Variants in CNTNAP2 observed in about 807,000 individuals in gnomAD.
CNTNAP2 encodes contactin-associated protein-like 2.
A neutral mutation model predicts 155.2 loss-of-function variants in CNTNAP2; 98 were observed. The ratio of observed to expected loss-of-function variants is 0.63; its 90% CI spans 0.54 to 0.75. The LOEUF (loss-of-function observed/expected upper bound fraction) is 0.75. Ranked by LOEUF, CNTNAP2 falls within the 30% of genes least tolerant of loss-of-function variation. CNTNAP2 has a pLI of 0.00. For synonymous variants in CNTNAP2, 651 were observed against 631.2 expected (o/e 1.03, Z -0.47); for missense variants, 1,727 against 1,688.1 (o/e 1.02, Z -0.40).
chr7:146,906,433 C>G (rs1313181794), intron 3 of CNTNAP2, among the ~76,000 whole-genome samples: 1 of 152,104 alleles, frequency 6.6e-6, no homozygotes, highest in African/African-American at 2.4e-5. Context: ...CAGTGGTTCT[C>G]CCAGCACGCA....
intron 7 of CNTNAP2, among the ~76,000 whole-genome samples, chr7:147,129,698 T>C (rs139658373): frequency 1.1e-4 from 16 of 152,292 alleles, no homozygotes; most frequent in Non-Finnish European, 2.1e-4. Flanking sequence ...AAAAGAGCTC[T>C]GATGGTCTCG....
intron 10 of CNTNAP2, among the ~76,000 whole-genome samples, chr7:147,453,382 T>C (rs952167695): frequency 1.2e-4 from 19 of 152,262 alleles, no homozygotes; most frequent in African/African-American, 4.3e-4. Context: ...ACTTTTCTCA[T>C]TATTGTGTAC....
intron 8 of CNTNAP2, among the ~76,000 whole-genome samples, chr7:147,212,789 C>A (rs768869020): frequency 5.9e-5 from 9 of 152,018 alleles, no homozygotes; most frequent in Admixed American, 1.3e-4. Flanking sequence ...AAAATGAGTA[C>A]AACAAATTTA....
At chr7:147,813,616 C>A (rs1231330178) in intron 13 of CNTNAP2, among the ~76,000 whole-genome samples, 2 of 152,150 alleles carry the variant, frequency 1.3e-5, no homozygotes, top group African/African-American at 4.8e-5. Flanking sequence ...AAAAGTCTCT[C>A]TAGAAATATA....
At chr7:146,473,150 A>G (rs1303808185) in intron 1 of CNTNAP2, among the ~76,000 whole-genome samples, 1 of 152,032 alleles carries the variant, frequency 6.6e-6, no homozygotes, top group Non-Finnish European at 1.5e-5. Context: ...GAACGTCTAC[A>G]GGCTCTGTGG....
intron 1 of CNTNAP2, among the ~76,000 whole-genome samples, chr7:146,350,013 C>A (rs990866471): frequency 6.6e-6 from 1 of 152,096 alleles, no homozygotes; most frequent in Non-Finnish European, 1.5e-5. Context: ...TGAATGTTGG[C>A]CTGCCTTGCT....
At chr7:147,480,433 G>T (rs549604058) in intron 10 of CNTNAP2, among the ~76,000 whole-genome samples, 1 of 152,290 alleles carries the variant, frequency 6.6e-6, no homozygotes, top group South Asian at 2.1e-4. Flanking sequence ...GTCTAAGCAT[G>T]GGGAAAGTCT....
intron 14 of CNTNAP2, among the ~76,000 whole-genome samples, chr7:147,955,345 A>G (rs1347606154): frequency 6.6e-6 from 1 of 152,204 alleles, no homozygotes; most frequent in African/African-American, 2.4e-5. Context: ...TTAAGACAAC[A>G]TTAAAAACCC....
intron 5 of CNTNAP2, among the ~76,000 whole-genome samples, chr7:147,110,684 G>A (rs1800857473): frequency 6.6e-6 from 1 of 152,106 alleles, no homozygotes; most frequent in Non-Finnish European, 1.5e-5. Context: ...CTCCATCCAT[G>A]TGCCCGCAAA....
intron 1 of CNTNAP2, among the ~76,000 whole-genome samples, chr7:146,296,536 C>T (rs1469508694): frequency 2.6e-5 from 4 of 152,052 alleles, no homozygotes; most frequent in Admixed American, 2.6e-4. Flanking sequence ...GTTCTGATTC[C>T]AGGCAGCAGA....
Position 146,622,366 on chromosome 7 carries a change from G to A in CNTNAP2, c.98-151905G>A, listed in dbSNP as rs544697029. Among the ~76,000 whole-genome samples, 6 of 151,514 alleles carry A rather than the reference G, an allele frequency of 4.0e-5. No homozygotes were observed. In the East Asian group the frequency reaches 1.2e-3, roughly 30 times the overall value. On this transcript the variant is annotated intron_variant, in intron 1 of 23. Transcript: ENST00000361727. The stretch of plus-strand genomic sequence containing the variant: ...GGAATCCTGGTTTTTGTTGTTGTTG[G>A]GTAATGGTACTTACCAGAAACCAGT...
intron 1 of CNTNAP2, among the ~76,000 whole-genome samples, chr7:146,722,360 G>A (rs1349545369): frequency 6.6e-6 from 1 of 152,034 alleles, no homozygotes; most frequent in Non-Finnish European, 1.5e-5. Flanking sequence ...AATACCCTGG[G>A]GTAGAATGCA....
At chr7:147,954,631 T>C (rs1488156824) in intron 14 of CNTNAP2, among the ~76,000 whole-genome samples, 2 of 152,184 alleles carry the variant, frequency 1.3e-5, no homozygotes, top group Non-Finnish European at 2.9e-5. Context: ...TTTCAGCCAA[T>C]AATTGCTATT....
intron 14 of CNTNAP2, among the ~76,000 whole-genome samples, chr7:147,965,722 C>T (rs920233749): frequency 1.3e-5 from 2 of 152,048 alleles, no homozygotes; most frequent in Non-Finnish European, 2.9e-5. Flanking sequence ...CATTCTTCTT[C>T]TTTCATGCTG....
chr7:146,304,823 G>T (rs1800679640), intron 1 of CNTNAP2, among the ~76,000 whole-genome samples: 1 of 152,060 alleles, frequency 6.6e-6, no homozygotes, highest in Non-Finnish European at 1.5e-5. Context: ...GGCCTGCCTT[G>T]CTATTTTGGG....
chr7:146,549,989 A>G (rs1038834086), intron 1 of CNTNAP2, among the ~76,000 whole-genome samples: 1 of 152,080 alleles, frequency 6.6e-6, no homozygotes, highest in African/African-American at 2.4e-5. Context: ...CTAAGGTTCA[A>G]TGAATTTGAT....
intron 10 of CNTNAP2, among the ~76,000 whole-genome samples, chr7:147,465,109 G>A (rs1162729430): frequency 1.3e-5 from 2 of 152,146 alleles, no homozygotes; most frequent in East Asian, 1.9e-4. Context: ...GTGGGTATAC[G>A]TGGACACAAA....
chr7:148,064,368 T>C (rs1478713810), intron 15 of CNTNAP2, among the ~76,000 whole-genome samples: 2 of 152,126 alleles, frequency 1.3e-5, no homozygotes. Flanking sequence ...AAGGATGAGA[T>C]GTGTTTCCAT....
chr7:146,318,010 A>G (rs1800938395), intron 1 of CNTNAP2, among the ~76,000 whole-genome samples: 2 of 152,038 alleles, frequency 1.3e-5, no homozygotes, highest in South Asian at 4.2e-4. Context: ...GTGTGGTGGC[A>G]CGCACTTGTA....
Sources: allele counts gnomAD v4.1 joint callset (sites outside exome capture counted in the v4.1 genomes callset), GRCh38; gene constraint gnomAD v4.1.1; transcripts MANE v1.5; gene names NCBI Gene and HGNC (gene_info 2026-07-23, HGNC 2026-07-21).